Variants in DIAPH2 observed in about 807,000 individuals in gnomAD.
DIAPH2 encodes diaphanous related formin 2.
In DIAPH2, 35 loss-of-function variants were observed where a neutral mutation model predicts 92.7. The observed-to-expected ratio is 0.38, with a 90% CI of 0.29 to 0.50. The LOEUF is 0.50. DIAPH2 is among the 20% of genes least tolerant of loss of function. DIAPH2 has a pLI of 0.94. For missense variants in DIAPH2, 701 were observed against 819.5 expected (o/e 0.86, Z 1.77); for synonymous variants, 301 against 280.4 (o/e 1.07, Z -0.73).
intron 17 of DIAPH2, among the ~76,000 whole-genome samples, chrX:97,018,994 A>G (rs1405326285): frequency 9.0e-6 from 1 of 111,459 alleles, no homozygotes; most frequent in Non-Finnish European, 1.9e-5. Context: ...GGATTCTTTC[A>G]CTGAGCTTCT....
At chrX:97,540,131 A>T (rs1207196835) in intron 26 of DIAPH2, among the ~76,000 whole-genome samples, 1 of 107,914 alleles carries the variant, frequency 9.3e-6, no homozygotes, top group African/African-American at 3.7e-5. Flanking sequence ...TCCTTGTCAT[A>T]CTCAGTACAC....
chrX:97,537,515 C>T (rs999863736), intron 26 of DIAPH2, among the ~76,000 whole-genome samples: 14 of 111,763 alleles, frequency 1.3e-4, no homozygotes, highest in African/African-American at 4.6e-4. Flanking sequence ...CCGAATGATT[C>T]CTGCCTCCTG....
intron 26 of DIAPH2, among the ~76,000 whole-genome samples, chrX:97,533,980 A>C (rs755276358): frequency 8.9e-6 from 1 of 111,805 alleles, no homozygotes; most frequent in African/African-American, 3.2e-5. Flanking sequence ...CTCAACCAAA[A>C]TGAGCAGAAA....
At chrX:97,032,272 C>T in intron 17 of DIAPH2, among the ~76,000 whole-genome samples, 1 of 110,774 alleles carries the variant, frequency 9.0e-6, no homozygotes, top group East Asian at 2.8e-4. Flanking sequence ...GAGCTTCTTG[C>T]AATATAAATT....
intron 26 of DIAPH2, among the ~76,000 whole-genome samples, chrX:97,449,979 A>C (rs1462816890): frequency 9.3e-6 from 1 of 106,994 alleles, no homozygotes; most frequent in Non-Finnish European, 1.9e-5. Flanking sequence ...TTTTTTTTTT[A>C]AGTGGATCAA....
At chrX:97,558,095 G>A (rs2071269616) in intron 26 of DIAPH2, among the ~76,000 whole-genome samples, 2 of 111,745 alleles carry the variant, frequency 1.8e-5, no homozygotes, top group South Asian at 3.8e-4. Context: ...ATCTACGAAC[G>A]AGATTATGTC....
At chrX:97,120,614 GTTTTTTTTTT>G (rs139009030) in intron 21 of DIAPH2, among the ~76,000 whole-genome samples, 3 of 75,849 alleles carry the variant, frequency 4.0e-5, no homozygotes, top group African/African-American at 5.4e-5. Context: ...TTTTTTGTGG[GTTTTTTTTTT>G]TTTTTTTTTT....
intron 4 of DIAPH2, among the ~76,000 whole-genome samples, chrX:96,854,429 A>G (rs745689870): frequency 7.6e-5 from 8 of 105,615 alleles, no homozygotes; most frequent in African/African-American, 2.4e-4. Context: ...ATTCTTAACC[A>G]AGTGGCAGGC....
Position 97,145,450 on chromosome X carries a change from A to C in DIAPH2, c.2719+3656A>C, listed in dbSNP as rs979406674. The stretch of plus-strand genomic sequence containing the variant: ...TCTCAGTAAGTATGTATTATATTCA[A>C]TTCTATTTGTTTGTTTCCTATTCCT... On this transcript the variant is annotated intron_variant, in intron 22 of 26. Transcript: ENST00000324765. 6.4e-5 allele frequency among the ~76,000 whole-genome samples: 7 copies of C among 110,007 alleles called. No homozygotes were observed. In the Admixed American group the frequency reaches 6.8e-4, roughly 11 times the overall value.
intron 1 of DIAPH2, among the ~76,000 whole-genome samples, chrX:96,713,598 A>G (rs2147538512): frequency 8.9e-6 from 1 of 112,104 alleles, no homozygotes; most frequent in South Asian, 3.7e-4. Flanking sequence ...TAGAACATAC[A>G]GAGTAATTCC....
intron 3 of DIAPH2, among the ~76,000 whole-genome samples, chrX:96,742,040 C>T (rs751922208): frequency 2.4e-4 from 27 of 111,057 alleles, no homozygotes; most frequent in Non-Finnish European, 2.3e-4. Context: ...TCCTTGGATG[C>T]ACAATAGATC....
At chrX:97,463,274 CT>C (rs34254892) in intron 26 of DIAPH2, among the ~76,000 whole-genome samples, 1,489 of 92,185 alleles carry the variant, frequency 0.016, 23 homozygotes, top group African/African-American at 0.052. Context: ...TATCTGAATC[CT>C]TTTTTTTTTT....
rs565723320 is a variant in DIAPH2 at position 97,330,605 on chromosome X, C to A, written c.2845-17511C>A. ...TTGGCTCACTGCAACATCTGCCTCC[C>A]AGGTTCAAGTGATTTTCCTGCCTCA... On this transcript the variant is annotated intron_variant, in intron 23 of 26. Transcript: ENST00000324765. Among the ~76,000 whole-genome samples the A allele has an allele frequency of 2.7e-5, 3 of 109,239 alleles. No homozygotes were observed. In the East Asian group the frequency reaches 8.7e-4, roughly 32 times the overall value. The allele number at this position is 109,239 out of a possible 115,157, so 94.9% of individuals were successfully genotyped here.
intron 22 of DIAPH2, among the ~76,000 whole-genome samples, chrX:97,195,820 TA>T (rs776578611): frequency 0.026 from 2,642 of 100,229 alleles, 38 homozygotes; most frequent in African/African-American, 0.057. Context: ...ATTATGTTGT[TA>T]AAAAAAAAAA....
chrX:96,803,460 T>C (rs2064599700), intron 4 of DIAPH2, among the ~76,000 whole-genome samples: 1 of 111,675 alleles, frequency 9.0e-6, no homozygotes, highest in South Asian at 3.7e-4. Flanking sequence ...TAGCCTTTAA[T>C]CTTAAAATGA....
chrX:97,030,096 C>A (rs1367264178), intron 17 of DIAPH2, among the ~76,000 whole-genome samples: 2 of 111,515 alleles, frequency 1.8e-5, no homozygotes, highest in Non-Finnish European at 3.8e-5. Flanking sequence ...AGTCACAAAT[C>A]CTGTCTAATT....
At position 96,881,584 on chromosome X, in the gene DIAPH2, G is replaced by T; in HGVS notation, c.453G>T (p.Gly151=). Residue 151 remains glycine, a synonymous_variant, in exon 5 of 27, where the codon GGG becomes GGT. Transcript: ENST00000324765. ...QYISATAKSG[G]LKNSKHECTL... Reference sequence around the variant, plus strand: ...TCTCTTTGTTTATTTTATAGGGTGGGCTGAAAAACAGCAAACATGAATGCA... The same window carrying T: ...TCTCTTTGTTTATTTTATAGGGTGGTCTGAAAAACAGCAAACATGAATGCA... The T allele has an allele frequency of 1.7e-6, 2 of 1,200,653 alleles. No individual in the cohort carries two copies. Among genetic ancestry groups the T allele is most frequent in the Non-Finnish European group, 2.2e-6 (2 of 890,770 alleles).
intron 23 of DIAPH2, among the ~76,000 whole-genome samples, chrX:97,317,927 G>T (rs753458419): frequency 5.4e-5 from 6 of 111,919 alleles, no homozygotes; most frequent in Non-Finnish European, 1.1e-4. Context: ...AGTTTAGCTA[G>T]TGTATCCATC....
chrX:97,418,598 G>A (rs2069973988), intron 25 of DIAPH2, among the ~76,000 whole-genome samples: 1 of 111,735 alleles, frequency 8.9e-6, no homozygotes, highest in African/African-American at 3.3e-5. Flanking sequence ...TTCCTGATTA[G>A]GCTTGTGTTT....
Sources: gnomAD v4.1 joint callset for allele counts (sites outside exome capture counted in the v4.1 genomes callset) on GRCh38, gnomAD v4.1.1 for gene constraint, MANE v1.5 for transcripts, NCBI Gene and HGNC (gene_info 2026-07-23, HGNC 2026-07-21) for gene names.